AHCYL2: variants seen among roughly 807,000 people sequenced by gnomAD.
AHCYL2 encodes S-adenosylhomocysteine hydrolase-like protein 2.
In AHCYL2, 28 loss-of-function variants were observed where a neutral mutation model predicts 81.4. That is an observed-to-expected ratio of 0.34 (90% CI 0.25 to 0.47). The LOEUF is 0.47. AHCYL2 is among the 20% of genes least tolerant of loss of function. The pLI, the probability that AHCYL2 is intolerant of heterozygous loss-of-function variation, is 1.00. For missense variants in AHCYL2, 551 were observed against 785.1 expected (o/e 0.70, Z 3.56); for synonymous variants, 272 against 290.2 (o/e 0.94, Z 0.64).
intron 1 of AHCYL2, among the ~76,000 whole-genome samples, chr7:129,303,439 T>C (rs1037355567): frequency 8.5e-5 from 13 of 152,222 alleles, no homozygotes; most frequent in African/African-American, 2.9e-4. Flanking sequence ...TCCAATTTAT[T>C]GGCATATAAT....
intron 1 of AHCYL2, among the ~76,000 whole-genome samples, chr7:129,314,767 A>G (rs1401480887): frequency 6.6e-6 from 1 of 152,240 alleles, no homozygotes; most frequent in Non-Finnish European, 1.5e-5. Flanking sequence ...TAGGCACTGA[A>G]TAAATGAATT....
At chr7:129,397,466 T>C in intron 5 of AHCYL2, 142 bp downstream of exon 5, 1 of 886,476 alleles carries the variant, frequency 1.1e-6, no homozygotes, top group Non-Finnish European at 1.7e-6. Flanking sequence ...ATGAATTTGC[T>C]CTTTTTCTGG....
chr7:129,346,410 A>G (rs1182812499), intron 1 of AHCYL2, among the ~76,000 whole-genome samples: 1 of 152,194 alleles, frequency 6.6e-6, no homozygotes, highest in Non-Finnish European at 1.5e-5. Context: ...ACTGTTATCC[A>G]AACTATGAAA....
chr7:129,241,114 G>T (rs1195124367), intron 1 of AHCYL2, among the ~76,000 whole-genome samples: 2 of 152,108 alleles, frequency 1.3e-5, no homozygotes, highest in Non-Finnish European at 2.9e-5. Context: ...GAATTATCTT[G>T]TTAGGAAAAA....
At chr7:129,339,651 C>T (rs937990149) in intron 1 of AHCYL2, among the ~76,000 whole-genome samples, 5 of 151,756 alleles carry the variant, frequency 3.3e-5, no homozygotes, top group Admixed American at 2.0e-4. Context: ...CCCACTTCAG[C>T]CTCTCTGGTA....
intron 7 of AHCYL2, among the ~76,000 whole-genome samples, chr7:129,404,661 G>GT (rs1220137312): frequency 2.6e-5 from 4 of 152,190 alleles, no homozygotes; most frequent in Non-Finnish European, 4.4e-5. Flanking sequence ...GACAACAAGA[G>GT]TGAGACTCCA....
At chr7:129,343,727 A>T (rs12706874) in intron 1 of AHCYL2, among the ~76,000 whole-genome samples, 3,513 of 152,304 alleles carry the variant, frequency 0.023, 73 homozygotes, top group Admixed American at 0.057. Flanking sequence ...CAAAGGAGAA[A>T]ATCTTCATGA....
chr7:129,278,800 T>C (rs1431320064), intron 1 of AHCYL2, among the ~76,000 whole-genome samples: 3 of 149,514 alleles, frequency 2.0e-5, no homozygotes, highest in Non-Finnish European at 4.4e-5. Context: ...AATATCTAAT[T>C]GTTGCAGTAT....
chr7:129,382,512 A>G (rs1281523449), intron 2 of AHCYL2, among the ~76,000 whole-genome samples: 1 of 152,182 alleles, frequency 6.6e-6, no homozygotes, highest in Non-Finnish European at 1.5e-5. Context: ...AGGCATGAGA[A>G]TCGCTTGAAC....
rs1797401529 is a variant in AHCYL2 at position 129,427,171 on chromosome 7, G to T, written c.*126G>T. 5 of 968,106 alleles carry T rather than the reference G, an allele frequency of 5.2e-6. No homozygotes were observed. The South Asian group carries it at 7.8e-5, about 15-fold the overall frequency. The allele number at this position is 968,106 out of a possible 1,614,324, so 60.0% of individuals were successfully genotyped here. The stretch of plus-strand genomic sequence containing the variant: ...GCTGCCTGCCGTGCTCACCCTGTGT[G>T]TTAGGTTATTTATTTATTAAAATCA... On this transcript the variant is annotated 3_prime_UTR_variant, in exon 17 of 17. Transcript: ENST00000325006. The surrounding 1 kb of genome is among the most constrained non-coding windows in gnomAD (Gnocchi z 5.5).
intron 1 of AHCYL2, among the ~76,000 whole-genome samples, chr7:129,273,396 T>A (rs1438458355): frequency 2.1e-5 from 3 of 143,778 alleles, no homozygotes; most frequent in African/African-American, 7.8e-5. Flanking sequence ...TGGCATGATC[T>A]TGGCTCACCG....
intron 1 of AHCYL2, among the ~76,000 whole-genome samples, chr7:129,326,269 G>A (rs1231118712): frequency 6.6e-6 from 1 of 152,124 alleles, no homozygotes; most frequent in African/African-American, 2.4e-5. Flanking sequence ...GCTTACACCT[G>A]TAATCCCAGC....
At chr7:129,228,374 C>T (rs1794301378) in intron 1 of AHCYL2, among the ~76,000 whole-genome samples, 1 of 152,206 alleles carries the variant, frequency 6.6e-6, no homozygotes, top group Admixed American at 6.5e-5. Context: ...TAAGAAGGAA[C>T]ATATGGTGTG....
intron 5 of AHCYL2, 74 bp downstream of exon 5, chr7:129,397,398 C>CT: frequency 7.3e-7 from 1 of 1,365,498 alleles, no homozygotes; most frequent in South Asian, 1.3e-5. Flanking sequence ...CAGCATAAAT[C>CT]TTTAAAGAAG....
At chr7:129,242,806 C>A (rs1049691702) in intron 1 of AHCYL2, among the ~76,000 whole-genome samples, 5 of 151,670 alleles carry the variant, frequency 3.3e-5, no homozygotes, top group Admixed American at 3.3e-4. Flanking sequence ...TGGCTTGATT[C>A]CTGTTTTCAA....
intron 1 of AHCYL2, among the ~76,000 whole-genome samples, chr7:129,291,592 C>G (rs976247656): frequency 6.7e-6 from 1 of 150,078 alleles, no homozygotes; most frequent in East Asian, 1.9e-4. Flanking sequence ...AATTTATTGC[C>G]ACAAAGTCTT....
At chr7:129,358,996 C>T (rs1254105820) in intron 1 of AHCYL2, among the ~76,000 whole-genome samples, 2 of 152,088 alleles carry the variant, frequency 1.3e-5, no homozygotes, top group East Asian at 3.8e-4. Context: ...AGCAGTTCCC[C>T]TCCTAGATAT....
chr7:129,233,249 G>C (rs1794512335), intron 1 of AHCYL2, among the ~76,000 whole-genome samples: 1 of 151,202 alleles, frequency 6.6e-6, no homozygotes, highest in Admixed American at 6.6e-5. Context: ...CAGTGGTACA[G>C]TCACAGCTCA....
At chr7:129,226,369 T>C (rs1444518084) in intron 1 of AHCYL2, among the ~76,000 whole-genome samples, 1 of 152,204 alleles carries the variant, frequency 6.6e-6, no homozygotes, top group Non-Finnish European at 1.5e-5. Flanking sequence ...TCTTTCTCTC[T>C]TAAAGCTGAA....
Sources: gnomAD v4.1 joint callset for allele counts (sites outside exome capture counted in the v4.1 genomes callset) on GRCh38, gnomAD v4.1.1 for gene constraint, Gnocchi (gnomAD v3.1) non-coding constraint, MANE v1.5 for transcripts, NCBI Gene and HGNC (gene_info 2026-07-23, HGNC 2026-07-21) for gene names.